Variants in VPS72 observed in about 807,000 individuals in gnomAD.
The protein encoded by VPS72 is vacuolar protein sorting 72 homolog.
A neutral mutation model predicts 38.9 loss-of-function variants in VPS72; 27 were observed. The observed-to-expected ratio is 0.69, with a 90% CI of 0.51 to 0.96. The LOEUF (loss-of-function observed/expected upper bound fraction) is 0.96, where lower values mean the gene tolerates loss of function less well. VPS72 is among the 40% of genes least tolerant of loss of function. The pLI is 0.00. For synonymous variants in VPS72, 173 were observed against 186.3 expected, an observed-to-expected ratio of 0.93 and a Z score of 0.58; for missense variants, 360 against 479.5, an observed-to-expected ratio of 0.75 and a Z score of 2.33.
At chr1:151,180,793 T>C (rs1684222926) in intron 4 of VPS72, among the ~76,000 whole-genome samples, 1 of 152,226 alleles carries the variant, frequency 6.6e-6, no homozygotes, top group African/African-American at 2.4e-5. Flanking sequence ...CTCTGTAATC[T>C]GCCAACTCAT....
chr1:151,187,146 G>A (rs1471927662), intron 1 of VPS72, among the ~76,000 whole-genome samples: 4 of 152,120 alleles, frequency 2.6e-5, no homozygotes, highest in Admixed American at 1.3e-4. Flanking sequence ...AGTAGAGAAC[G>A]TGAAGTACAG....
At chr1:151,189,964 C>G (rs771330000) in intron 1 of VPS72, 41 bp downstream of exon 1, 3 of 1,609,622 alleles carry the variant, frequency 1.9e-6, no homozygotes, top group Non-Finnish European at 2.6e-6. Flanking sequence ...CAGGGCTCCT[C>G]TTTGCCTCCT....
At chr1:151,177,873 G>C (rs1684152432) in intron 5 of VPS72, 128 bp downstream of exon 5, 12 of 1,067,878 alleles carry the variant, frequency 1.1e-5, no homozygotes, top group Non-Finnish European at 2.7e-6. Flanking sequence ...AAATTGAGCT[G>C]AAGGGAGTTA....
rs755130198 is a variant in VPS72 at position 151,178,138 on chromosome 1, A to T, written c.570T>A (p.Tyr190Ter). 4.3e-6 allele frequency: 7 copies of T among 1,613,696 alleles called. No homozygotes were observed. Among genetic ancestry groups the T allele is most frequent in the Non-Finnish European group, 1.7e-6 (2 of 1,179,986 alleles). ...EELNLRSLETYERLEADKKKQ... is the reference protein window; with the variant it reads ...EELNLRSLET ...TCTTTTTATCAGCCTCGAGCCGCTC[A>T]TATGTCTCTTTAGGGTCAAAGGAAG... Residue 190 changes from tyrosine to a stop codon, truncating the protein, a stop_gained, in exon 5 of 6, where the codon TAT becomes TAA. Transcript: ENST00000368892. LOFTEE classifies it high-confidence loss of function.
intron 5 of VPS72, among the ~76,000 whole-genome samples, 174 bp downstream of exon 5, chr1:151,177,827 A>G (rs1684150236): frequency 6.6e-6 from 1 of 151,606 alleles, no homozygotes; most frequent in Non-Finnish European, 1.5e-5. Context: ...TAGGTGACAG[A>G]GCAGCATCAT....
At chr1:151,187,120 C>A (rs1297800889) in intron 1 of VPS72, among the ~76,000 whole-genome samples, 3 of 151,974 alleles carry the variant, frequency 2.0e-5, no homozygotes, top group African/African-American at 7.3e-5. Context: ...GCTCTGGGGG[C>A]AGTTAGATGG....
chr1:151,181,523 G>A (rs1052810531), intron 4 of VPS72, among the ~76,000 whole-genome samples: 2 of 151,734 alleles, frequency 1.3e-5, no homozygotes, highest in Non-Finnish European at 2.9e-5. Context: ...GATTACAGAT[G>A]TGAGCCACCG....
In VPS72 at chr1:151,178,134, G is replaced by A. The variant is rs1684159746; in HGVS notation, c.574C>T (p.Arg192Trp). 3 of 1,613,514 alleles carry A rather than the reference G, an allele frequency of 1.9e-6. No homozygotes were observed. Among genetic ancestry groups the A allele is most frequent in the African/African-American group, 1.3e-5 (1 of 74,878 alleles). The change falls in exon 5 of 6, where the codon CGG (arginine) becomes TGG (tryptophan). Residue 192 changes from arginine to tryptophan, a missense_variant. Arg to Trp is a moderately radical substitution (Grantham distance 101). Transcript: ENST00000368892. ...LNLRSLETYE[R>W]LEADKKKQVH... ...TGCTTCTTTTTATCAGCCTCGAGCC[G>A]CTCATATGTCTCTTTAGGGTCAAAG...
chr1:151,183,488 C>CA (rs1476265099), intron 4 of VPS72, among the ~76,000 whole-genome samples: 1 of 149,728 alleles, frequency 6.7e-6, no homozygotes, highest in Non-Finnish European at 1.5e-5. Context: ...TGGTCCAAAC[C>CA]AATCGCTCTG....
chr1:151,186,437 T>G (rs1684351539), intron 1 of VPS72, among the ~76,000 whole-genome samples: 1 of 152,008 alleles, frequency 6.6e-6, no homozygotes, highest in African/African-American at 2.4e-5. Flanking sequence ...CGCACACCTG[T>G]AGTCCCAGCT....
intron 4 of VPS72, among the ~76,000 whole-genome samples, chr1:151,179,138 C>T (rs1451731001): frequency 2.6e-5 from 4 of 151,632 alleles, no homozygotes; most frequent in South Asian, 2.1e-4. Context: ...AAAAACTATC[C>T]GGGCGTGGTA....
At chr1:151,183,420 TCA>T (rs1491385644) in intron 4 of VPS72, among the ~76,000 whole-genome samples, 1 of 31,054 alleles carries the variant, frequency 3.2e-5, no homozygotes, top group South Asian at 1.4e-3. Flanking sequence ...AGACTCTGTC[TCA>T]AAAAAAAAAA....
chr1:151,177,999 A>G lies in VPS72; in HGVS notation c.707+2T>C. 6.2e-7 allele frequency: 1 copy of G among 1,612,984 alleles called. No individual in the cohort carries two copies. Among genetic ancestry groups the G allele is most frequent in the South Asian group, 1.1e-5 (1 of 90,894 alleles). ...TCTCTTTTCCTCTTGAGATTCACTC[A>G]CCCTTCTATGTCAACGTTCTCTTCC... On this transcript the variant is annotated splice_donor_variant, in intron 5 of 5. Coordinates refer to ENST00000368892, the MANE Select transcript of VPS72 (RefSeq NM_005997.3). LOFTEE classifies it high-confidence loss of function.
chr1:151,180,853 C>T (rs1684224163), intron 4 of VPS72, among the ~76,000 whole-genome samples: 1 of 152,208 alleles, frequency 6.6e-6, no homozygotes, highest in South Asian at 2.1e-4. Flanking sequence ...CTTGCCTTAA[C>T]AGAAACCTGG....
chr1:151,185,732 C>T, intron 2 of VPS72, 66 bp downstream of exon 2: 1 of 1,611,136 alleles, frequency 6.2e-7, no homozygotes. Context: ...ATAGGGAGTA[C>T]TGGGACCTGA....
chr1:151,179,230 T>C (rs1206151754), intron 4 of VPS72, among the ~76,000 whole-genome samples: 2 of 151,810 alleles, frequency 1.3e-5, no homozygotes, highest in Non-Finnish European at 2.9e-5. Flanking sequence ...TGAAGTGAGA[T>C]TGCATTATTG....
intron 4 of VPS72, among the ~76,000 whole-genome samples, chr1:151,183,888 CCT>C (rs987462538): frequency 4.0e-5 from 6 of 151,750 alleles, no homozygotes; most frequent in East Asian, 1.9e-4. Flanking sequence ...ATTATCACCC[CCT>C]GCTTTTTTTT....
rs1404349039 is a variant in VPS72 at position 151,176,785 on chromosome 1, G to A, written c.954C>T (p.Ile318=). The change falls in exon 6 of 6, where the codon ATC becomes ATT. Residue 318 remains isoleucine, a synonymous_variant. Transcript: ENST00000368892. The part of the protein sequence containing the change: ...IPYATARAFK[I]IREAYKKYIT... ...TGTACTTCTTGTAAGCCTCACGAAT[G>A]ATCTTGAAGGCTCGAGCAGTGGCAT... 3 of 1,614,084 alleles carry A rather than the reference G, an allele frequency of 1.9e-6. No individual in the cohort carries two copies. The highest frequency in any genetic ancestry group is 1.7e-6 in the Non-Finnish European group (2 of 1,180,034).
At chr1:151,177,317 G>A (rs937149719) in intron 5 of VPS72, among the ~76,000 whole-genome samples, 6 of 151,518 alleles carry the variant, frequency 4.0e-5, no homozygotes, top group South Asian at 2.1e-4. Flanking sequence ...GCCAGGAGGC[G>A]GAGGTTGCAT....
Sources: allele counts gnomAD v4.1 joint callset (sites outside exome capture counted in the v4.1 genomes callset), GRCh38; gene constraint gnomAD v4.1.1; transcripts MANE v1.5; gene names NCBI Gene and HGNC (gene_info 2026-07-23, HGNC 2026-07-21).